The following ZNF516 variants were observed in gnomAD, a reference collection of about 807,000 sequenced individuals.
ZNF516 encodes zinc finger protein 516.
ZNF516 carries 19 observed loss-of-function variants against 79.7 expected under a neutral mutation model. The ratio of observed to expected loss-of-function variants is 0.24; its 90% CI spans 0.17 to 0.35. ZNF516 has a LOEUF of 0.35. Among genes scored for constraint, ZNF516 ranks in the 10% least tolerant of loss-of-function variants. The pLI is 1.00. For synonymous variants in ZNF516, 877 were observed against 739.5 expected (o/e 1.19, Z -3.02); for missense variants, 1,678 against 1,679.5 (o/e 1.00, Z 0.02).
At chr18:76,475,310 C>G (rs538518143) in intron 1 of ZNF516, among the ~76,000 whole-genome samples, 7 of 152,270 alleles carry the variant, frequency 4.6e-5, no homozygotes, top group African/African-American at 1.7e-4. Context: ...TTTTTAAATG[C>G]AATGGTATTT....
In ZNF516 at chr18:76,385,776, G is replaced by GCC. The variant is rs147872052; in HGVS notation, c.1811-5475_1811-5474dup. 8.5e-3 allele frequency: 1,249 copies of GCC among 146,750 alleles called. 9 individuals are homozygous for GCC. Among genetic ancestry groups the GCC allele is most frequent in the South Asian group, 0.013 (58 of 4,496 alleles). 9.1% of individuals were successfully genotyped at this position (146,750 alleles called of 1,614,324 possible). On this transcript the variant is annotated intron_variant, in intron 3 of 6. Transcript: ENST00000443185. ...CCTGCATGTAGGGTGCCACTGCACT[G>GCC]CCCCCCCCCCGGGAGCTGTACCCCC...
intron 3 of ZNF516, among the ~76,000 whole-genome samples, chr18:76,395,122 T>A (rs1206829830): frequency 6.6e-6 from 1 of 152,198 alleles, no homozygotes; most frequent in Non-Finnish European, 1.5e-5. Flanking sequence ...CATGCCTGCA[T>A]GCCATGTTTT....
At chr18:76,491,190 C>G (rs1198075163) in intron 1 of ZNF516, 2 of 842,410 alleles carry the variant, frequency 2.4e-6, no homozygotes, top group Non-Finnish European at 2.9e-6. Flanking sequence ...CCCCGGAGCC[C>G]GGTCCACGCC....
chr18:76,359,394 G>A lies in ZNF516; in HGVS notation c.*3104C>T, dbSNP rs1349524428. On this transcript the variant is annotated 3_prime_UTR_variant, in exon 7 of 7. Coordinates refer to ENST00000443185, the MANE Select transcript of ZNF516 (RefSeq NM_014643.4). ...GGGAACCAGGCAGAAAGGTGGGCAGGTACAGTGGCCAATTTCCCAGAGAAG... is the reference window on the plus strand; with the variant it reads ...GGGAACCAGGCAGAAAGGTGGGCAGATACAGTGGCCAATTTCCCAGAGAAG... 1 of 152,156 alleles carries A rather than the reference G, an allele frequency of 6.6e-6. No individual in the cohort carries two copies. The highest frequency in any genetic ancestry group is 1.9e-4 in the East Asian group (1 of 5,178). 9.4% of individuals were successfully genotyped at this position (152,156 alleles called of 1,614,324 possible). A position where few individuals can be genotyped will look rare whatever the true frequency, so the allele number is the denominator to read the frequency against.
At chr18:76,485,888 G>A (rs1914801376) in intron 1 of ZNF516, among the ~76,000 whole-genome samples, 1 of 147,426 alleles carries the variant, frequency 6.8e-6, no homozygotes, top group African/African-American at 2.5e-5. Context: ...AAAAAAAGAT[G>A]GGGACAAAAG....
intron 1 of ZNF516, among the ~76,000 whole-genome samples, chr18:76,469,564 G>A (rs1913705049): frequency 6.6e-6 from 1 of 152,102 alleles, no homozygotes; most frequent in African/African-American, 2.4e-5. Flanking sequence ...GATAAGGGAG[G>A]AGACTCACTT....
upstream of ZNF516, chr18:76,496,197 GGGCGAGCGCCC>G: frequency 8.4e-7 from 1 of 1,184,148 alleles, no homozygotes; most frequent in Non-Finnish European, 1.1e-6. Context: ...GAGCTAGCGA[GGGCGAGCGCCC>G]CTTCACGGCC....
At chr18:76,477,789 G>A (rs908211958) in intron 1 of ZNF516, among the ~76,000 whole-genome samples, 6 of 151,924 alleles carry the variant, frequency 3.9e-5, no homozygotes, top group Non-Finnish European at 7.4e-5. Context: ...TGAAACGAAG[G>A]AATGCAAACT....
chr18:76,380,260 C>G lies in ZNF516; in HGVS notation c.1854G>C (p.Ser618=). The change falls in exon 4 of 7, where the codon TCG becomes TCC. Residue 618 remains serine (S), a synonymous_variant. Coordinates refer to ENST00000443185, the MANE Select transcript of ZNF516 (RefSeq NM_014643.4). The part of the protein sequence containing the change: ...RRCCFSEEVT[S]TELSSGDQSH... ...TCTGGTCTCCACTGGAGAGCTCGGTCGAAGTCACCTCTTCGGAAAAGCAGC... is the reference window on the plus strand; with the variant it reads ...TCTGGTCTCCACTGGAGAGCTCGGTGGAAGTCACCTCTTCGGAAAAGCAGC... 6.2e-7 allele frequency: 1 copy of G among 1,613,760 alleles called. No homozygotes were observed. Among genetic ancestry groups the G allele is most frequent in the Non-Finnish European group, 8.5e-7 (1 of 1,179,842 alleles).
At chr18:76,429,046 T>C (rs1345048317) in intron 3 of ZNF516, among the ~76,000 whole-genome samples, 3 of 152,102 alleles carry the variant, frequency 2.0e-5, no homozygotes, top group Admixed American at 1.3e-4. Context: ...CCCGGGGAAG[T>C]TGGGCCTTGC....
chr18:76,369,019 G>A (rs558984442), intron 6 of ZNF516, among the ~76,000 whole-genome samples: 1 of 152,174 alleles, frequency 6.6e-6, no homozygotes, highest in African/African-American at 2.4e-5. Flanking sequence ...GTCTTTGGTG[G>A]GTTGAACGGG....
intron 3 of ZNF516, among the ~76,000 whole-genome samples, chr18:76,391,431 A>C (rs1032858203): frequency 1.3e-5 from 2 of 152,060 alleles, no homozygotes; most frequent in African/African-American, 4.8e-5. Context: ...ACTAACTCTA[A>C]CACTATTAAC....
intron 1 of ZNF516, chr18:76,492,338 G>C: frequency 1.0e-6 from 1 of 985,454 alleles, no homozygotes; most frequent in Non-Finnish European, 1.2e-6. Context: ...GCCACAGTAA[G>C]TCAGCTGCAA....
chr18:76,490,401 G>A (rs1915100562), intron 1 of ZNF516, among the ~76,000 whole-genome samples: 1 of 152,224 alleles, frequency 6.6e-6, no homozygotes, highest in South Asian at 2.1e-4. Context: ...ATCAAAGAAT[G>A]CAAGTGAAAA....
At chr18:76,398,509 G>T (rs1398345905) in intron 3 of ZNF516, among the ~76,000 whole-genome samples, 1 of 152,174 alleles carries the variant, frequency 6.6e-6, no homozygotes, top group Non-Finnish European at 1.5e-5. Context: ...GGGACTGTCG[G>T]GAAGAAGGTG....
intron 2 of ZNF516, among the ~76,000 whole-genome samples, chr18:76,460,834 A>G (rs765118394): frequency 6.6e-6 from 1 of 152,208 alleles, no homozygotes; most frequent in Non-Finnish European, 1.5e-5. Context: ...TCGCTTGTTC[A>G]TGGCGGGTAA....
At chr18:76,488,486 G>A (rs746626345) in intron 1 of ZNF516, among the ~76,000 whole-genome samples, 6 of 133,448 alleles carry the variant, frequency 4.5e-5, no homozygotes, top group Non-Finnish European at 4.7e-5. Flanking sequence ...TCAGTAGATA[G>A]ACAACTGAAC....
At chr18:76,403,322 C>CCACACACACAGGCACGCTGCAACGCA (rs2075256925) in intron 3 of ZNF516, among the ~76,000 whole-genome samples, 2 of 152,172 alleles carry the variant, frequency 1.3e-5, no homozygotes, top group African/African-American at 4.8e-5. Context: ...AGATGAGAAG[C>CCACACACACAGGCACGCTGCAACGCA]CACACACACA....
Position 76,442,463 on chromosome 18 carries a change from T to G in ZNF516, c.592A>C (p.Lys198Gln). ...CTGCACAGCCTGCACTTGAACGGCT[T>G]GTGCGCCTGGTGCACGTGCAGCTCC... ...DLELHVHQAHKPFKCRLCSYA... is the reference protein window; with the variant it reads ...DLELHVHQAHQPFKCRLCSYA... Residue 198 changes from lysine to glutamine, a missense_variant, in exon 3 of 7, where the codon AAG (lysine) becomes CAG (glutamine). Lys to Gln is a moderately conservative substitution (Grantham distance 53). This residue lies in a region of ZNF516 where 279 missense variants were observed against 254.1 expected (regional missense o/e 1.10). Transcript: ENST00000443185. 1 of 1,605,372 alleles carries G rather than the reference T, an allele frequency of 6.2e-7. No homozygotes were observed. Among genetic ancestry groups the G allele is most frequent in the Non-Finnish European group, 8.5e-7 (1 of 1,179,668 alleles).
Sources: allele counts gnomAD v4.1 joint callset (sites outside exome capture counted in the v4.1 genomes callset), GRCh38; gene constraint gnomAD v4.1.1; regional missense constraint gnomAD v4.1.1; transcripts MANE v1.5; gene names NCBI Gene and HGNC (gene_info 2026-07-23, HGNC 2026-07-21).